Variants in SLC22A23 observed in about 807,000 individuals in gnomAD.
SLC22A23 encodes ion transporter protein.
A neutral mutation model predicts 61.0 loss-of-function variants in SLC22A23; 26 were observed. That is an observed-to-expected ratio of 0.43 (90% CI 0.31 to 0.59). SLC22A23 has a LOEUF of 0.59. SLC22A23 is among the 20% of genes least tolerant of loss of function. The pLI, the probability that SLC22A23 is intolerant of heterozygous loss-of-function variation, is 0.11. For missense variants in SLC22A23, 796 were observed against 934.7 expected (o/e 0.85, Z 1.94); for synonymous variants, 430 against 413.9 (o/e 1.04, Z -0.47).
rs374175422 is a variant in SLC22A23, at chr6:3,298,149, G to A, written c.1152C>T (p.Leu384=). The part of the protein sequence containing the change: ...QQFESAKRLI[L]HFTQKNRMNP... ...TCATGCGATTCTTCTGTGTGAAGTG[G>A]AGGATCAGCCTCTTTGCAGACTCAA... Residue 384 remains leucine, a synonymous_variant, in exon 5 of 10, where the codon CTC becomes CTT. Coordinates refer to ENST00000406686, the MANE Select transcript of SLC22A23 (RefSeq NM_015482.2). The A allele has an allele frequency of 5.0e-6, 8 of 1,591,266 alleles. No homozygotes were observed. The African/African-American group carries it at 6.8e-5, about 14-fold the overall frequency.
chr6:3,302,937 GA>G (rs1371896848), intron 4 of SLC22A23: 4 of 152,168 alleles, frequency 2.6e-5, no homozygotes, highest in African/African-American at 9.7e-5. Context: ...CAGAATGAGA[GA>G]AAGTCTTTGC....
chr6:3,307,126 G>A (rs535079909), intron 4 of SLC22A23, among the ~76,000 whole-genome samples: 5 of 152,306 alleles, frequency 3.3e-5, no homozygotes, highest in South Asian at 4.1e-4. Context: ...ATACGGCAGC[G>A]CTACGACATG....
At chr6:3,422,770 C>T (rs1239777494) in intron 1 of SLC22A23, among the ~76,000 whole-genome samples, 1 of 152,076 alleles carries the variant, frequency 6.6e-6, no homozygotes, top group Non-Finnish European at 1.5e-5. Context: ...GCTCAAATTG[C>T]TCCTCATCTT....
intron 1 of SLC22A23, among the ~76,000 whole-genome samples, chr6:3,445,651 C>G (rs985808994): frequency 6.6e-6 from 1 of 152,104 alleles, no homozygotes; most frequent in Admixed American, 6.5e-5. Flanking sequence ...AGCTGGTTGC[C>G]GTCCTTCAGA....
chr6:3,394,261 GT>G (rs1238149881), intron 3 of SLC22A23, among the ~76,000 whole-genome samples: 1 of 152,040 alleles, frequency 6.6e-6, no homozygotes. Flanking sequence ...AACAAGATCC[GT>G]GTATCACAGA....
intron 1 of SLC22A23, among the ~76,000 whole-genome samples, chr6:3,433,491 C>T (rs1214526776): frequency 6.6e-6 from 1 of 152,220 alleles, no homozygotes; most frequent in South Asian, 2.1e-4. Context: ...GGAAACTTGC[C>T]TAGCTTATAA....
chr6:3,339,733 G>A (rs985580578), intron 3 of SLC22A23, among the ~76,000 whole-genome samples: 14 of 152,184 alleles, frequency 9.2e-5, no homozygotes, highest in African/African-American at 3.4e-4. Flanking sequence ...GTTACCCTAT[G>A]TGGTCTATAA....
chr6:3,283,799 C>G (rs754319640), intron 9 of SLC22A23, 53 bp downstream of exon 9: 1 of 1,608,356 alleles, frequency 6.2e-7, no homozygotes, highest in South Asian at 1.1e-5. Context: ...GCCAGGGACT[C>G]GTCTTTGATT....
rs1286856423 is a variant in SLC22A23 at position 3,317,711 on chromosome 6, G to A, written c.1082+6123C>T. 2.0e-5 allele frequency among the ~76,000 whole-genome samples: 3 copies of A among 152,124 alleles called. No homozygotes were observed. Among genetic ancestry groups the A allele is most frequent in the Non-Finnish European group, 4.4e-5 (3 of 68,026 alleles). On this transcript the variant is annotated intron_variant, in intron 4 of 9. Transcript: ENST00000406686. This position sits in a 1 kb window ranked among gnomAD's most constrained non-coding sequence, Gnocchi z 4.4. ...GCGTCCATCAGTGCAATCACCCAGC[G>A]CTTTGACGGCGTCTACTTTCAGGTG...
chr6:3,421,236 T>C (rs558216966), intron 1 of SLC22A23, among the ~76,000 whole-genome samples: 1 of 152,320 alleles, frequency 6.6e-6, no homozygotes, highest in South Asian at 2.1e-4. Context: ...TAGGCACTGT[T>C]TTTCTGGAAG....
intron 5 of SLC22A23, among the ~76,000 whole-genome samples, chr6:3,296,868 C>T (rs1228126994): frequency 5.3e-5 from 8 of 152,212 alleles, no homozygotes; most frequent in African/African-American, 9.7e-5. Flanking sequence ...GGGAGTCTAA[C>T]GAGAGGCCTG....
At chr6:3,426,317 G>C (rs1770486996) in intron 1 of SLC22A23, among the ~76,000 whole-genome samples, 1 of 152,170 alleles carries the variant, frequency 6.6e-6, no homozygotes, top group African/African-American at 2.4e-5. Flanking sequence ...CTCCATACCA[G>C]ACTGCCGTGG....
rs761842187 is a variant in SLC22A23, at chr6:3,330,710, T to C, written c.914-6708A>G. Among the ~76,000 whole-genome samples, 2 of 152,222 alleles carry C rather than the reference T, an allele frequency of 1.3e-5. No homozygotes were observed. Among genetic ancestry groups the C allele is most frequent in the African/African-American group, 4.8e-5 (2 of 41,458 alleles). ...GGGTATTCCTGTAAAAGCTTGCCAT[T>C]ACAGCTCTACATCTCCCCTTCCGCG... On this transcript the variant is annotated intron_variant, in intron 3 of 9. Transcript: ENST00000406686. The surrounding 1 kb of genome is among the most constrained non-coding windows in gnomAD (Gnocchi z 4.7).
Position 3,284,021 on chromosome 6 carries a change from G to C in SLC22A23, c.1580-46C>G, listed in dbSNP as rs201961478. ...GGTGGTGAGGGAAGAGAGGAAGCCA[G>C]GCCAGGGTGGGAGGGAGGCCTGGGG... On this transcript the variant is annotated intron_variant, in intron 8 of 9. Coordinates refer to ENST00000406686, the MANE Select transcript of SLC22A23 (RefSeq NM_015482.2). 693 of 1,565,516 alleles carry C rather than the reference G, an allele frequency of 4.4e-4. No homozygotes were observed. In the African/African-American group the frequency reaches 8.3e-3, roughly 19 times the overall value.
At chr6:3,449,208 G>A (rs1464862044) in intron 1 of SLC22A23, among the ~76,000 whole-genome samples, 1 of 152,138 alleles carries the variant, frequency 6.6e-6, no homozygotes, top group Non-Finnish European at 1.5e-5. Context: ...GAAGTTATAA[G>A]ATCATAAAAA....
rs2127390250 is a variant in SLC22A23, at chr6:3,317,276, C to T, written c.1082+6558G>A. ...GACCAGGCTGTGTCTTGCACAAGGG[C>T]TCCCAGCTGAGGAAGGAGCTCTGTC... On this transcript the variant is annotated intron_variant, in intron 4 of 9. Transcript: ENST00000406686. The surrounding 1 kb of genome is among the most constrained non-coding windows in gnomAD (Gnocchi z 4.4). Among the ~76,000 whole-genome samples, 1 of 152,324 alleles carries T rather than the reference C, an allele frequency of 6.6e-6. No homozygotes were observed. The highest frequency in any genetic ancestry group is 1.5e-5 in the Non-Finnish European group (1 of 68,028).
intron 1 of SLC22A23, among the ~76,000 whole-genome samples, chr6:3,450,910 T>C (rs1772129468): frequency 6.6e-6 from 1 of 152,248 alleles, no homozygotes; most frequent in South Asian, 2.1e-4. Context: ...TTAAAGTCAC[T>C]TTAAATAACT....
chr6:3,292,966 G>A (rs1024802639), intron 5 of SLC22A23, among the ~76,000 whole-genome samples: 3 of 152,220 alleles, frequency 2.0e-5, no homozygotes, highest in Non-Finnish European at 4.4e-5. Context: ...GACCCGCTGG[G>A]AGGAGGGCAC....
intron 3 of SLC22A23, among the ~76,000 whole-genome samples, chr6:3,408,795 C>T (rs952198314): frequency 2.0e-5 from 3 of 152,218 alleles, no homozygotes; most frequent in Non-Finnish European, 4.4e-5. Context: ...GCAGAGCTGT[C>T]CCCTTTTATG....
Sources: allele counts gnomAD v4.1 joint callset (sites outside exome capture counted in the v4.1 genomes callset), GRCh38; gene constraint gnomAD v4.1.1; non-coding constraint Gnocchi (gnomAD v3.1); transcripts MANE v1.5; gene names NCBI Gene and HGNC (gene_info 2026-07-23, HGNC 2026-07-21).